The following LYZL4 variants were observed in gnomAD, a reference collection of about 807,000 sequenced individuals.
The protein encoded by LYZL4 is lysozyme-like protein 4.
A neutral mutation model predicts 17.6 loss-of-function variants in LYZL4; 13 were observed. That is an observed-to-expected ratio of 0.74 (90% confidence interval 0.48 to 1.18). The LOEUF is 1.18. Ranked by LOEUF, LYZL4 falls within the 50% of genes most tolerant of loss-of-function variation. LYZL4 has a pLI of 0.00. For synonymous variants in LYZL4, 64 were observed against 67.7 expected (o/e 0.95, Z 0.27); for missense variants, 174 against 188.2 (o/e 0.92, Z 0.44).
At chr3:42,364,267 G>T in the LYZL4 span, among the ~76,000 whole-genome samples, 1 of 151,860 alleles carries the variant, frequency 6.6e-6, no homozygotes, top group Non-Finnish European at 1.5e-5. Flanking sequence ...CAGCAATGGG[G>T]TGTCCTACAA....
chr3:42,366,385 T>C, the LYZL4 span, among the ~76,000 whole-genome samples: 2 of 152,178 alleles, frequency 1.3e-5, no homozygotes, highest in Non-Finnish European at 2.9e-5. Context: ...CTTTCTTCCC[T>C]GGCACACGTC....
At chr3:42,380,114 T>G in the LYZL4 span, among the ~76,000 whole-genome samples, 1 of 152,106 alleles carries the variant, frequency 6.6e-6, no homozygotes, top group African/African-American at 2.4e-5. Flanking sequence ...CTGTGGGAAA[T>G]AATGTTTGTT....
chr3:42,368,992 T>A, the LYZL4 span, among the ~76,000 whole-genome samples: 1 of 152,254 alleles, frequency 6.6e-6, no homozygotes, highest in East Asian at 1.9e-4. Context: ...CTATTTCTTA[T>A]TGATTTGCAA....
rs778208134 is a variant in LYZL4 at position 42,397,281 on chromosome 3, T to C, written c.425A>G (p.Asp142Gly). ...QYSDTLARWL[D>G]GCKL ...TGCAGGTGGCTACAGCTTGCAACCA[T>C]CCAGCCACCGTGCCAGGGTATCGGA... The change falls in exon 5 of 5, where the codon GAT becomes GGT. Residue 142 changes from aspartate (D) to glycine (G), a missense_variant. Physicochemically the swap from Asp to Gly is moderately conservative, Grantham distance 94. Transcript: ENST00000287748. The C allele has an allele frequency of 4.5e-6, 7 of 1,567,852 alleles. No individual in the cohort carries two copies. Among genetic ancestry groups the C allele is most frequent in the Non-Finnish European group, 6.1e-6 (7 of 1,156,058 alleles).
the LYZL4 span, among the ~76,000 whole-genome samples, chr3:42,368,331 T>G: frequency 6.6e-6 from 1 of 152,190 alleles, no homozygotes; most frequent in Non-Finnish European, 1.5e-5. Context: ...TTTTATTTGG[T>G]GGGGCGAGGA....
At chr3:42,406,453 CAAAAAAA>C (rs565639489) in intron 3 of LYZL4, among the ~76,000 whole-genome samples, 16 of 84,156 alleles carry the variant, frequency 1.9e-4, no homozygotes, top group East Asian at 6.4e-4. Flanking sequence ...GACTCCGTCT[CAAAAAAA>C]AAAAAAAAAA....
At chr3:42,393,044 T>C (rs543691012), downstream of LYZL4, among the ~76,000 whole-genome samples, 275 of 151,748 alleles carry the variant, frequency 1.8e-3, 3 homozygotes, top group African/African-American at 6.2e-3. Flanking sequence ...AAAGCCAAAA[T>C]CTTCAGTGAA....
intron 1 of LYZL4, among the ~76,000 whole-genome samples, chr3:42,409,056 A>G (rs1282278069): frequency 6.6e-6 from 1 of 152,226 alleles, no homozygotes; most frequent in East Asian, 1.9e-4. Context: ...CAGTACACCA[A>G]ATACAGTATC....
At chr3:42,364,792 C>A in the LYZL4 span, among the ~76,000 whole-genome samples, 1 of 152,054 alleles carries the variant, frequency 6.6e-6, no homozygotes, top group Non-Finnish European at 1.5e-5. Context: ...ATCTTTTTGG[C>A]GTGTGAGACA....
chr3:42,376,082 G>A, the LYZL4 span, among the ~76,000 whole-genome samples: 1 of 152,092 alleles, frequency 6.6e-6, no homozygotes, highest in Non-Finnish European at 1.5e-5. Context: ...CCCACATAAG[G>A]GCGACTAAAA....
chr3:42,406,869 T>G lies in LYZL4; in HGVS notation c.269A>C (p.Asn90Thr), dbSNP rs758539178. 6.2e-7 allele frequency: 1 copy of G among 1,614,090 alleles called. No individual in the cohort carries two copies. Among genetic ancestry groups the G allele is most frequent in the African/African-American group, 1.3e-5 (1 of 75,034 alleles). ...GSDWCGDHGR[N>T]RCHMSCSALL... ...ACCGGAACATGACATATGGCAGCGG[T>G]TCCTGCCATGGTCGCCACACCAGTC... Residue 90 changes from asparagine to threonine, a missense_variant, in exon 3 of 5, where the codon AAC (asparagine) becomes ACC (threonine). Coordinates refer to ENST00000287748, the MANE Select transcript of LYZL4 (RefSeq NM_144634.4).
the LYZL4 span, among the ~76,000 whole-genome samples, chr3:42,374,219 A>G: frequency 6.6e-6 from 1 of 152,222 alleles, no homozygotes; most frequent in African/African-American, 2.4e-5. Flanking sequence ...GTGTGAGGAA[A>G]CAAAGGCACT....
At chr3:42,408,053 G>A (rs1263109800) in intron 1 of LYZL4, among the ~76,000 whole-genome samples, 2 of 152,080 alleles carry the variant, frequency 1.3e-5, no homozygotes, top group Non-Finnish European at 2.9e-5. Context: ...CATTTTAAGT[G>A]GCTGCCACCA....
chr3:42,407,332 G>T lies in LYZL4; in HGVS notation c.-81C>A. ...CACAGGGACACTGGTTCTCTGAAGG[G>T]AAAGAAGGGCACTGTGGGGGTGGGG... On this transcript the variant is annotated 5_prime_UTR_variant, in exon 2 of 5. Transcript: ENST00000287748. 1 of 1,587,096 alleles carries T rather than the reference G, an allele frequency of 6.3e-7. No individual in the cohort carries two copies. The highest frequency in any genetic ancestry group is 8.6e-7 in the Non-Finnish European group (1 of 1,163,612).
At chr3:42,405,304 T>C (rs1291759573) in intron 3 of LYZL4, among the ~76,000 whole-genome samples, 1 of 152,180 alleles carries the variant, frequency 6.6e-6, no homozygotes, top group Non-Finnish European at 1.5e-5. Flanking sequence ...CATCTCGGCC[T>C]CCCAAAGTGC....
At chr3:42,399,888 AT>A (rs150626152) in intron 4 of LYZL4, among the ~76,000 whole-genome samples, 2,434 of 151,812 alleles carry the variant, frequency 0.016, 48 homozygotes, top group African/African-American at 0.05. Context: ...CTCTGATTGA[AT>A]TTTTTAGGTT....
Position 42,397,211 on chromosome 3 carries a change from G to A in LYZL4, c.*54C>T. ...ATTGACTGAAGCAGCAAGCAGAAAA[G>A]CACCTTCATTCACAAGATGCAACTG... is the stretch of plus-strand genomic sequence containing the variant. On this transcript the variant is annotated 3_prime_UTR_variant, in exon 5 of 5. Coordinates refer to ENST00000287748, the MANE Select transcript of LYZL4 (RefSeq NM_144634.4). 1 of 1,241,996 alleles carries A rather than the reference G, an allele frequency of 8.1e-7. No individual in the cohort carries two copies. The highest frequency in any genetic ancestry group is 1.1e-6 in the Non-Finnish European group (1 of 871,184). The allele number at this position is 1,241,996 out of a possible 1,614,324, so 76.9% of individuals were successfully genotyped here.
chr3:42,398,162 C>G (rs1043015052), intron 4 of LYZL4, among the ~76,000 whole-genome samples: 1 of 152,154 alleles, frequency 6.6e-6, no homozygotes, highest in Non-Finnish European at 1.5e-5. Flanking sequence ...CTCTCCATAG[C>G]TCAGGGCAGA....
At chr3:42,390,147 C>G in the LYZL4 span, among the ~76,000 whole-genome samples, 1 of 152,116 alleles carries the variant, frequency 6.6e-6, no homozygotes, top group Non-Finnish European at 1.5e-5. Flanking sequence ...TTAGAAGGAA[C>G]AAGACTAAGA....
Sources: gnomAD v4.1 joint callset for allele counts (sites outside exome capture counted in the v4.1 genomes callset) on GRCh38, gnomAD v4.1.1 for gene constraint, MANE v1.5 for transcripts, NCBI Gene and HGNC (gene_info 2026-07-23, HGNC 2026-07-21) for gene names.